OTUD7A: variants seen among roughly 807,000 people sequenced by gnomAD.
OTUD7A encodes the protein OTU deubiquitinase 7A.
A neutral mutation model predicts 65.7 loss-of-function variants in OTUD7A; 12 were observed. The ratio of observed to expected loss-of-function variants is 0.18; its 90% confidence interval spans 0.12 to 0.30. The LOEUF is 0.30. Among genes scored for constraint, OTUD7A ranks in the 10% least tolerant of loss-of-function variants. OTUD7A has a pLI of 1.00. For missense variants in OTUD7A, 1,148 were observed against 1,304.8 expected (o/e 0.88, Z 1.85); for synonymous variants, 641 against 586.3 (o/e 1.09, Z -1.35).
At chr15:31,808,785 C>T (rs1379134845) in intron 1 of OTUD7A, among the ~76,000 whole-genome samples, 1 of 152,222 alleles carries the variant, frequency 6.6e-6, no homozygotes, top group Non-Finnish European at 1.5e-5. Flanking sequence ...CTCACATCTG[C>T]AGAGCCAAAG....
chr15:31,628,967 G>A (rs1467797338), intron 3 of OTUD7A, among the ~76,000 whole-genome samples: 2 of 152,202 alleles, frequency 1.3e-5, no homozygotes, highest in Admixed American at 6.5e-5. Flanking sequence ...TGTTGAAGTT[G>A]CTTATCAGCT....
At chr15:31,846,267 G>T (rs961580781) in intron 1 of OTUD7A, among the ~76,000 whole-genome samples, 38 of 152,212 alleles carry the variant, frequency 2.5e-4, no homozygotes, top group Admixed American at 1.6e-3. Context: ...CACCAGATGG[G>T]TAAGTTGGCC....
intron 1 of OTUD7A, among the ~76,000 whole-genome samples, chr15:31,809,093 AGGGTCAGC>A (rs1458756483): frequency 1.2e-4 from 18 of 152,184 alleles, no homozygotes; most frequent in Non-Finnish European, 1.2e-4. Context: ...TGTAGACTGC[AGGGTCAGC>A]TTCCAACACC....
At chr15:31,522,303 C>T (rs868658371) in intron 8 of OTUD7A, among the ~76,000 whole-genome samples, 2 of 152,174 alleles carry the variant, frequency 1.3e-5, no homozygotes, top group Non-Finnish European at 1.5e-5. Context: ...AATAACCAAA[C>T]CTGTTTGAGC....
chr15:31,577,578 G>A lies in OTUD7A; in HGVS notation c.152-7381C>T, dbSNP rs570524859. ...CTTGTAACTTCTGTCTCCCTAAAAT[G>A]TATAAAACAAAACTGTAACCTGATC... On this transcript the variant is annotated intron_variant, in intron 3 of 12. Transcript: ENST00000307050. Among the ~76,000 whole-genome samples, 15 of 152,108 alleles carry A rather than the reference G, an allele frequency of 9.9e-5. No individual in the cohort carries two copies. The South Asian group carries it at 2.7e-3, about 27-fold the overall frequency.
intron 1 of OTUD7A, among the ~76,000 whole-genome samples, chr15:31,671,753 A>G: frequency 6.6e-6 from 1 of 151,850 alleles, no homozygotes; most frequent in Non-Finnish European, 1.5e-5. Context: ...GATTCCCATA[A>G]TACTTGTTTA....
intron 3 of OTUD7A, among the ~76,000 whole-genome samples, chr15:31,624,842 T>C (rs1299752035): frequency 6.6e-6 from 1 of 152,172 alleles, no homozygotes; most frequent in African/African-American, 2.4e-5. Context: ...GGGTCCTGAT[T>C]ACAATCTGCC....
At chr15:31,533,302 T>C (rs1887695419) in intron 5 of OTUD7A, among the ~76,000 whole-genome samples, 1 of 150,262 alleles carries the variant, frequency 6.7e-6, no homozygotes, top group Admixed American at 6.7e-5. Context: ...AGTGGTGCAA[T>C]TTCAGCTCAC....
intron 1 of OTUD7A, among the ~76,000 whole-genome samples, chr15:31,823,360 T>A (rs1896731454): frequency 6.6e-6 from 1 of 152,176 alleles, no homozygotes; most frequent in Non-Finnish European, 1.5e-5. Flanking sequence ...GCATTCCACA[T>A]GTTAGCCAGT....
chr15:31,753,893 G>C (rs1894734514), intron 1 of OTUD7A, among the ~76,000 whole-genome samples: 1 of 151,582 alleles, frequency 6.6e-6, no homozygotes, highest in Non-Finnish European at 1.5e-5. Flanking sequence ...CAGTGGGATT[G>C]CTGGATCAAG....
At chr15:31,781,677 G>C (rs915395001) in intron 1 of OTUD7A, among the ~76,000 whole-genome samples, 29 of 152,120 alleles carry the variant, frequency 1.9e-4, no homozygotes, top group Non-Finnish European at 2.9e-5. Flanking sequence ...ACATGACATA[G>C]TGATTGCAGC....
chr15:31,491,374 T>C (rs1261893912), intron 10 of OTUD7A, among the ~76,000 whole-genome samples: 1 of 152,138 alleles, frequency 6.6e-6, no homozygotes, highest in Non-Finnish European at 1.5e-5. Flanking sequence ...TGAAGAATGA[T>C]TTTGAGGGGC....
At chr15:31,802,849 C>T (rs1403121342) in intron 1 of OTUD7A, among the ~76,000 whole-genome samples, 1 of 152,162 alleles carries the variant, frequency 6.6e-6, no homozygotes, top group Admixed American at 6.5e-5. Context: ...TACTTCAGGT[C>T]AAATTCTTCA....
intron 1 of OTUD7A, among the ~76,000 whole-genome samples, chr15:31,745,604 C>A (rs2141377602): frequency 6.6e-6 from 1 of 152,224 alleles, no homozygotes; most frequent in South Asian, 2.1e-4. Context: ...TAAACACAGT[C>A]TTCTATCTTC....
At chr15:31,834,283 G>A (rs1470080180) in intron 1 of OTUD7A, among the ~76,000 whole-genome samples, 1 of 152,212 alleles carries the variant, frequency 6.6e-6, no homozygotes, top group Admixed American at 6.5e-5. Context: ...GAACAAAGCA[G>A]AAAGGAACAG....
intron 3 of OTUD7A, among the ~76,000 whole-genome samples, chr15:31,653,400 A>T (rs34630531): frequency 1.3e-5 from 2 of 152,344 alleles, no homozygotes; most frequent in African/African-American, 4.8e-5. Flanking sequence ...GAAATTCTGG[A>T]GTACCTGCAG....
chr15:31,515,393 T>C (rs1248558421), intron 8 of OTUD7A, among the ~76,000 whole-genome samples: 2 of 152,132 alleles, frequency 1.3e-5, no homozygotes, highest in Admixed American at 1.3e-4. Context: ...GGCACCTTTG[T>C]ACTGGCACAG....
At chr15:31,508,494 C>T (rs556997677) in intron 8 of OTUD7A, among the ~76,000 whole-genome samples, 14 of 152,318 alleles carry the variant, frequency 9.2e-5, no homozygotes, top group African/African-American at 2.6e-4. Context: ...GGACTACAGG[C>T]GCCCGCCACC....
chr15:31,536,152 C>A (rs1182313833), intron 5 of OTUD7A, among the ~76,000 whole-genome samples: 1 of 152,208 alleles, frequency 6.6e-6, no homozygotes, highest in Non-Finnish European at 1.5e-5. Flanking sequence ...AATCTCCAGG[C>A]TGATGGCTAC....
Sources: allele counts gnomAD v4.1 joint callset (sites outside exome capture counted in the v4.1 genomes callset), GRCh38; gene constraint gnomAD v4.1.1; transcripts MANE v1.5; gene names NCBI Gene and HGNC (gene_info 2026-07-23, HGNC 2026-07-21).